Variants in ACTR3 observed in about 807,000 individuals in gnomAD.
The protein encoded by ACTR3 is actin-related protein 3.
ACTR3 carries 12 observed loss-of-function variants against 56.8 expected under a neutral mutation model. The ratio of observed to expected loss-of-function variants is 0.21; its 90% CI spans 0.14 to 0.34. The LOEUF (loss-of-function observed/expected upper bound fraction) is 0.34. ACTR3 is among the 10% of genes least tolerant of loss of function. The pLI is 1.00. For missense variants in ACTR3, 282 were observed against 512.5 expected (o/e 0.55, Z 4.34); for synonymous variants, 162 against 167.4 (o/e 0.97, Z 0.25).
chr2:113,890,032 A>C (rs1218787482), upstream of ACTR3: 15 of 583,700 alleles, frequency 2.6e-5, no homozygotes, highest in Non-Finnish European at 4.3e-5. Flanking sequence ...AGGAGGAGGG[A>C]AGAGAGAGGG....
chr2:113,898,931 G>A (rs913019026), intron 1 of ACTR3, among the ~76,000 whole-genome samples: 1 of 152,064 alleles, frequency 6.6e-6, no homozygotes, highest in East Asian at 1.9e-4. Flanking sequence ...TTTTAGTCCT[G>A]GGGTAGTCTC....
At chr2:113,955,219 G>C (rs532583430) in intron 10 of ACTR3, 2 of 153,526 alleles carry the variant, frequency 1.3e-5, no homozygotes, top group East Asian at 1.9e-4. Flanking sequence ...AGTTGCTTGT[G>C]TTAGTCCCTT....
chr2:113,923,556 C>T (rs1308663319), intron 3 of ACTR3, among the ~76,000 whole-genome samples: 11 of 152,052 alleles, frequency 7.2e-5, no homozygotes, highest in African/African-American at 2.7e-4. Context: ...AGGATGGTCT[C>T]AATCTCCTGA....
chr2:113,932,932 C>T (rs1221719654), intron 5 of ACTR3, among the ~76,000 whole-genome samples: 1 of 151,962 alleles, frequency 6.6e-6, no homozygotes, highest in Non-Finnish European at 1.5e-5. Context: ...TATTACAGTC[C>T]AGGTAGGTAA....
chr2:113,914,552 A>C (rs1679367679), intron 2 of ACTR3, among the ~76,000 whole-genome samples: 1 of 148,144 alleles, frequency 6.8e-6, no homozygotes, highest in South Asian at 2.2e-4. Flanking sequence ...TGGAGGTTGC[A>C]GTGAGCTGAG....
At position 113,932,402 on chromosome 2, in the gene ACTR3, A is replaced by G. The variant is rs948952767; in HGVS notation, c.432+1006A>G. On this transcript the variant is annotated intron_variant, in intron 5 of 11. Coordinates refer to ENST00000263238, the MANE Select transcript of ACTR3 (RefSeq NM_005721.5). ...CTTGGGAGTTTTTGCTTCTCATCCT[A>G]TGTTAAATATAATAAACTTATGTTT... is the stretch of plus-strand genomic sequence containing the variant. 1.1e-4 allele frequency among the ~76,000 whole-genome samples: 17 copies of G among 152,288 alleles called. No individual in the cohort carries two copies. In the East Asian group the frequency reaches 3.3e-3, roughly 29 times the overall value.
chr2:113,953,654 C>G (rs1043111779), intron 10 of ACTR3: 1 of 151,392 alleles, frequency 6.6e-6, no homozygotes, highest in African/African-American at 2.4e-5. Flanking sequence ...TTGAAAAAAG[C>G]CATATCATTC....
intron 3 of ACTR3, among the ~76,000 whole-genome samples, chr2:113,919,994 C>T (rs1679477469): frequency 6.6e-6 from 1 of 152,150 alleles, no homozygotes; most frequent in Non-Finnish European, 1.5e-5. Context: ...CGTGATCTCA[C>T]CTCACTGCAT....
At position 113,902,405 on chromosome 2, in the gene ACTR3, C is replaced by G. The variant is rs891125807; in HGVS notation, c.45-10767C>G. Among the ~76,000 whole-genome samples the G allele has an allele frequency of 3.3e-5, 5 of 149,860 alleles. No individual in the cohort carries two copies. The Middle Eastern group carries it at 0.01, about 306-fold the overall frequency. ...AAAATGATGTATTATATATTTTATACAAGCAAATTGAGTACAGCTAAACCT... is the reference window on the plus strand; with the variant it reads ...AAAATGATGTATTATATATTTTATAGAAGCAAATTGAGTACAGCTAAACCT... On this transcript the variant is annotated intron_variant, in intron 1 of 11. Transcript: ENST00000263238.
At chr2:113,935,679 TTTTC>T (rs1679812175) in intron 6 of ACTR3, among the ~76,000 whole-genome samples, 1 of 152,228 alleles carries the variant, frequency 6.6e-6, no homozygotes, top group African/African-American at 2.4e-5. Flanking sequence ...GGCAGTTTAT[TTTTC>T]TTTCTTAGTG....
At chr2:113,914,614 C>CAAA (rs55784117) in intron 2 of ACTR3, among the ~76,000 whole-genome samples, 42 of 69,184 alleles carry the variant, frequency 6.1e-4, no homozygotes, top group African/African-American at 1.5e-3. Flanking sequence ...GACTCAGTCT[C>CAAA]AAAAAAAAAA....
chr2:113,938,069 CTG>C (rs1467441908), intron 6 of ACTR3, among the ~76,000 whole-genome samples: 1 of 151,696 alleles, frequency 6.6e-6, no homozygotes, highest in Non-Finnish European at 1.5e-5. Flanking sequence ...TTTTATTGCT[CTG>C]TCTTCAAATT....
chr2:113,899,409 GTATT>G (rs1443686721), intron 1 of ACTR3, among the ~76,000 whole-genome samples: 9 of 152,294 alleles, frequency 5.9e-5, no homozygotes, highest in Admixed American at 3.9e-4. Context: ...AAGTAATCAA[GTATT>G]TATTTCAGTC....
intron 7 of ACTR3, among the ~76,000 whole-genome samples, 165 bp from the exon 8 acceptor site, chr2:113,942,021 A>T (rs561973622): frequency 2.0e-4 from 31 of 152,190 alleles, no homozygotes; most frequent in African/African-American, 7.5e-4. Flanking sequence ...TGTACTACAC[A>T]TATGATAATA....
chr2:113,955,461 C>T (rs1054234561), intron 10 of ACTR3, 162 bp from the exon 11 acceptor site: 17 of 550,946 alleles, frequency 3.1e-5, no homozygotes, highest in Non-Finnish European at 4.2e-5. Flanking sequence ...TGTTCCCAAC[C>T]CCTTTCCTCT....
chr2:113,890,125 T>A lies in ACTR3; in HGVS notation c.-155T>A. The stretch of plus-strand genomic sequence containing the variant: ...GATAGCCGCCGACCGAGCCTGCTGC[T>A]TTCTTGCTACTGCTTCGGCTTCCCG... On this transcript the variant is annotated 5_prime_UTR_variant, in exon 1 of 12. Coordinates refer to ENST00000263238, the MANE Select transcript of ACTR3 (RefSeq NM_005721.5). The A allele has an allele frequency of 2.2e-6, 2 of 922,886 alleles. No individual in the cohort carries two copies. The highest frequency in any genetic ancestry group is 2.9e-5 in the South Asian group (2 of 68,314). 57.2% of individuals were successfully genotyped at this position (922,886 alleles called of 1,614,324 possible).
chr2:113,923,267 TTG>T (rs1430678754), intron 3 of ACTR3, among the ~76,000 whole-genome samples: 4 of 152,202 alleles, frequency 2.6e-5, no homozygotes, highest in Non-Finnish European at 5.9e-5. Context: ...CCTTCTTGAT[TTG>T]TCTTTCTTTT....
rs1195221234 is a variant in ACTR3 at position 113,962,195 on chromosome 2, A to C, written c.*4740A>C. On this transcript the variant is annotated 3_prime_UTR_variant, in exon 12 of 12. Transcript: ENST00000263238. ...CTACCTTAGAAGTGACATTCTGCGT[A>C]AGGTAGTGGGGGATTACTAAGTGAT... 6.6e-6 allele frequency: 1 copy of C among 151,958 alleles called. No homozygotes were observed. The highest frequency in any genetic ancestry group is 1.9e-4 in the East Asian group (1 of 5,190). The allele number at this position is 151,958 out of a possible 1,614,324, so 9.4% of individuals were successfully genotyped here.
At chr2:113,929,484 A>G (rs1363590960) in intron 4 of ACTR3, among the ~76,000 whole-genome samples, 1 of 152,122 alleles carries the variant, frequency 6.6e-6, no homozygotes, top group Non-Finnish European at 1.5e-5. Context: ...CTTCTACAAG[A>G]CTTTTTGTGG....
Sources: gnomAD v4.1 joint callset for allele counts (sites outside exome capture counted in the v4.1 genomes callset) on GRCh38, gnomAD v4.1.1 for gene constraint, MANE v1.5 for transcripts, NCBI Gene and HGNC (gene_info 2026-07-23, HGNC 2026-07-21) for gene names.